SYCP2L: variants seen among roughly 807,000 people sequenced by gnomAD.
The protein encoded by SYCP2L is synaptonemal complex protein 2 like.
In SYCP2L, 98 loss-of-function variants were observed where a neutral mutation model predicts 125.8. The ratio of observed to expected loss-of-function variants is 0.78; its 90% CI spans 0.66 to 0.92. The LOEUF (loss-of-function observed/expected upper bound fraction) is 0.92, where lower values mean the gene tolerates loss of function less well. SYCP2L is among the 40% of genes least tolerant of loss of function. The probability of loss-of-function intolerance (pLI) is 0.00; values close to 1 mark genes in which losing one functional copy is unlikely to be tolerated. For synonymous variants in SYCP2L, 317 were observed against 325.4 expected (o/e 0.97, Z 0.28); for missense variants, 842 against 936.4 (o/e 0.90, Z 1.32).
chr6:10,938,240 T>G (rs1010156923), intron 21 of SYCP2L, among the ~76,000 whole-genome samples: 2 of 152,168 alleles, frequency 1.3e-5, no homozygotes, highest in Non-Finnish European at 2.9e-5. Flanking sequence ...TCCCTGAGAT[T>G]CAAGGAAGTT....
intron 29 of SYCP2L, among the ~76,000 whole-genome samples, chr6:10,968,025 T>A (rs1003763942): frequency 6.6e-6 from 1 of 152,176 alleles, no homozygotes; most frequent in African/African-American, 2.4e-5. Context: ...ATGCACTTTG[T>A]CTGACAGGGA....
chr6:10,894,243 C>A, intron 4 of SYCP2L, 39 bp downstream of exon 4: 1 of 1,599,486 alleles, frequency 6.3e-7, no homozygotes, highest in Admixed American at 1.8e-5. Context: ...CTTTGGGTAA[C>A]TTAGAGAACT....
intron 10 of SYCP2L, among the ~76,000 whole-genome samples, chr6:10,909,116 A>ATTTTTTTTTTTTTT (rs67767345): frequency 1.1e-5 from 1 of 94,874 alleles, no homozygotes; most frequent in African/African-American, 4.8e-5. Context: ...TCTCAATTGA[A>ATTTTTTTTTTTTTT]TTTTTTTTTT....
At chr6:10,896,122 C>T (rs1341163755) in intron 4 of SYCP2L, among the ~76,000 whole-genome samples, 3 of 152,110 alleles carry the variant, frequency 2.0e-5, no homozygotes, top group South Asian at 2.1e-4. Flanking sequence ...CTCCAGTCTG[C>T]GTGACAGAGT....
At chr6:10,905,842 A>G (rs1356534354) in intron 8 of SYCP2L, among the ~76,000 whole-genome samples, 178 bp from the exon 9 acceptor site, 1 of 152,236 alleles carries the variant, frequency 6.6e-6, no homozygotes, top group Non-Finnish European at 1.5e-5. Flanking sequence ...TAGATCATTA[A>G]TATATAAACT....
chr6:10,939,900 G>T (rs753043033), intron 21 of SYCP2L, among the ~76,000 whole-genome samples: 2 of 151,968 alleles, frequency 1.3e-5, no homozygotes, highest in African/African-American at 2.4e-5. Flanking sequence ...CAATCAAATG[G>T]AAAGACAACC....
intron 14 of SYCP2L, among the ~76,000 whole-genome samples, chr6:10,921,128 G>C (rs539796544): frequency 1.3e-5 from 2 of 152,146 alleles, no homozygotes; most frequent in African/African-American, 4.8e-5. Flanking sequence ...GAGAACATGC[G>C]GTGTTTGGTT....
At chr6:10,923,355 A>C (rs980361627) in intron 14 of SYCP2L, among the ~76,000 whole-genome samples, 2 of 150,394 alleles carry the variant, frequency 1.3e-5, no homozygotes, top group African/African-American at 4.9e-5. Flanking sequence ...GGAGGCTGCA[A>C]GGAGGCTATT....
chr6:10,943,880 A>G (rs1317846992), intron 23 of SYCP2L, among the ~76,000 whole-genome samples: 1 of 152,146 alleles, frequency 6.6e-6, no homozygotes, highest in Non-Finnish European at 1.5e-5. Context: ...TAATGTGTGT[A>G]ATTGAGGTAT....
intron 1 of SYCP2L, 93 bp from the exon 2 acceptor site, chr6:10,891,418 ATT>A (rs61237589): frequency 0.34 from 159,884 of 468,730 alleles, 18,349 homozygotes; most frequent in Non-Finnish European, 0.38. Flanking sequence ...CAAACCTTTA[ATT>A]TTTTTTTTTT....
chr6:10,941,253 G>A (rs544498030), intron 21 of SYCP2L, among the ~76,000 whole-genome samples: 3 of 152,062 alleles, frequency 2.0e-5, no homozygotes, highest in Non-Finnish European at 4.4e-5. Flanking sequence ...CAAGGACTTC[G>A]TGTCTAAAAC....
chr6:10,934,260 TG>T (rs1239194164), intron 20 of SYCP2L, among the ~76,000 whole-genome samples: 1 of 152,256 alleles, frequency 6.6e-6, no homozygotes, highest in Non-Finnish European at 1.5e-5. Flanking sequence ...AAAATAGTGA[TG>T]TTGTAGTTCC....
At chr6:10,957,774 G>A (rs993985057) in intron 25 of SYCP2L, among the ~76,000 whole-genome samples, 1 of 152,152 alleles carries the variant, frequency 6.6e-6, no homozygotes, top group Non-Finnish European at 1.5e-5. Context: ...CTATGATCAT[G>A]CCGCTGTGCT....
At chr6:10,955,868 C>A (rs947554057) in intron 24 of SYCP2L, among the ~76,000 whole-genome samples, 3 of 152,124 alleles carry the variant, frequency 2.0e-5, no homozygotes, top group Non-Finnish European at 2.9e-5. Context: ...AGAGAAATAC[C>A]CTAGCTATAT....
chr6:10,968,446 T>C (rs1781713644), intron 29 of SYCP2L, among the ~76,000 whole-genome samples: 1 of 152,148 alleles, frequency 6.6e-6, no homozygotes, highest in African/African-American at 2.4e-5. Flanking sequence ...TCAAGAGTCA[T>C]GCCTGCATGT....
intron 1 of SYCP2L, 67 bp from the exon 2 acceptor site, chr6:10,891,446 G>GT: frequency 1.8e-6 from 1 of 564,864 alleles, no homozygotes; most frequent in African/African-American, 2.6e-5. Flanking sequence ...TTTGCTTTGT[G>GT]TTTAAAACTT....
At chr6:10,903,620 A>G (rs1250844002) in intron 8 of SYCP2L, among the ~76,000 whole-genome samples, 1 of 151,924 alleles carries the variant, frequency 6.6e-6, no homozygotes, top group Non-Finnish European at 1.5e-5. Flanking sequence ...GCTTGGTGGC[A>G]CACACCTATA....
chr6:10,888,063 C>A (rs1249600511), intron 1 of SYCP2L, among the ~76,000 whole-genome samples: 1 of 114,892 alleles, frequency 8.7e-6, no homozygotes, highest in African/African-American at 3.1e-5. Context: ...TAGGTGTTAC[C>A]ATCTTTTTTT....
chr6:10,951,998 G>A, intron 23 of SYCP2L, among the ~76,000 whole-genome samples: 1 of 152,284 alleles, frequency 6.6e-6, no homozygotes, highest in Non-Finnish European at 1.5e-5. Flanking sequence ...AGAAAGCCGG[G>A]TTCTTGTGAG....
Sources: allele counts gnomAD v4.1 joint callset (sites outside exome capture counted in the v4.1 genomes callset), GRCh38; gene constraint gnomAD v4.1.1; transcripts MANE v1.5; gene names NCBI Gene and HGNC (gene_info 2026-07-23, HGNC 2026-07-21).